Variants in NRG3 observed in about 807,000 individuals in gnomAD.
NRG3 encodes the protein pro-neuregulin-3, membrane-bound isoform.
In NRG3, 31 loss-of-function variants were observed where a neutral mutation model predicts 66.9. The ratio of observed to expected loss-of-function variants is 0.46; its 90% CI spans 0.35 to 0.63. NRG3 has a LOEUF of 0.63. Among genes scored for constraint, NRG3 ranks in the 20% least tolerant of loss-of-function variants. The probability of loss-of-function intolerance (pLI) is 0.00; values close to 1 mark genes in which losing one functional copy is unlikely to be tolerated. For missense variants in NRG3, 910 were observed against 878.9 expected (o/e 1.04, Z -0.45); for synonymous variants, 393 against 359.4 (o/e 1.09, Z -1.06).
intron 1 of NRG3, among the ~76,000 whole-genome samples, chr10:82,203,606 A>T (rs1324002838): frequency 6.6e-6 from 1 of 152,216 alleles, no homozygotes; most frequent in Non-Finnish European, 1.5e-5. Context: ...GTGACTTCAC[A>T]TTAAAAACTA....
chr10:82,545,949 G>A (rs1045366603), intron 2 of NRG3, among the ~76,000 whole-genome samples: 11 of 149,984 alleles, frequency 7.3e-5, no homozygotes, highest in Non-Finnish European at 1.6e-4. Context: ...CACCATGCCC[G>A]GCTAATTTCA....
chr10:82,445,139 G>GTTT (rs10708276), intron 2 of NRG3, among the ~76,000 whole-genome samples: 1 of 145,600 alleles, frequency 6.9e-6, no homozygotes, highest in Non-Finnish European at 1.5e-5. Context: ...CCCCATGCCA[G>GTTT]TTTTTTTTTT....
intron 2 of NRG3, among the ~76,000 whole-genome samples, chr10:82,649,128 A>G (rs1448372735): frequency 6.6e-6 from 1 of 152,140 alleles, no homozygotes; most frequent in Non-Finnish European, 1.5e-5. Context: ...GGCCAGGGCA[A>G]TTAGGCAGGT....
intron 1 of NRG3, among the ~76,000 whole-genome samples, chr10:81,983,419 C>T (rs187106898): frequency 9.9e-5 from 15 of 152,214 alleles, no homozygotes; most frequent in Admixed American, 5.9e-4. Context: ...TGCTAATACA[C>T]GAATTACTCA....
At chr10:82,338,662 A>G (rs781042354) in intron 1 of NRG3, among the ~76,000 whole-genome samples, 2 of 152,212 alleles carry the variant, frequency 1.3e-5, no homozygotes, top group African/African-American at 2.4e-5. Context: ...CTCAATAAAT[A>G]TGTGCTGACT....
intron 1 of NRG3, among the ~76,000 whole-genome samples, chr10:82,357,033 G>A (rs1234432004): frequency 6.6e-6 from 1 of 152,190 alleles, no homozygotes; most frequent in African/African-American, 2.4e-5. Flanking sequence ...GTTGAATGCA[G>A]TGATGAAAGT....
intron 4 of NRG3, among the ~76,000 whole-genome samples, chr10:82,925,561 A>G (rs556771152): frequency 6.6e-6 from 1 of 152,360 alleles, no homozygotes; most frequent in African/African-American, 2.4e-5. Flanking sequence ...CTCGCAGAAT[A>G]GGGACAAGCA....
chr10:82,677,692 C>G, intron 2 of NRG3, among the ~76,000 whole-genome samples: 1 of 151,998 alleles, frequency 6.6e-6, no homozygotes, highest in East Asian at 1.9e-4. Flanking sequence ...AGAATTTGAC[C>G]AAGGGGGTGT....
intron 1 of NRG3, among the ~76,000 whole-genome samples, chr10:82,233,607 C>T (rs1169501010): frequency 6.6e-6 from 1 of 152,110 alleles, no homozygotes; most frequent in African/African-American, 2.4e-5. Flanking sequence ...CTGAGATTCA[C>T]TCTTGTGTAT....
intron 1 of NRG3, among the ~76,000 whole-genome samples, chr10:82,274,239 A>T (rs2078734087): frequency 6.6e-6 from 1 of 152,090 alleles, no homozygotes; most frequent in African/African-American, 2.4e-5. Context: ...GAATGTGAAA[A>T]AATTTTAGCA....
chr10:81,999,002 C>T (rs753536644), intron 1 of NRG3, among the ~76,000 whole-genome samples: 5 of 152,110 alleles, frequency 3.3e-5, no homozygotes, highest in African/African-American at 9.7e-5. Context: ...GGGGTTTCAC[C>T]GTGTTGGTCA....
chr10:82,877,218 A>G (rs1841903978), intron 4 of NRG3, among the ~76,000 whole-genome samples: 1 of 152,022 alleles, frequency 6.6e-6, no homozygotes, highest in African/African-American at 2.4e-5. Context: ...TCTTCTCAAT[A>G]AGCAGAGTCT....
chr10:82,323,044 A>G lies in NRG3; in HGVS notation c.824-35695A>G, dbSNP rs529112993. Among the ~76,000 whole-genome samples, 143 of 152,302 alleles carry G rather than the reference A, an allele frequency of 9.4e-4. 1 individual carries two copies. Among genetic ancestry groups the G allele is most frequent in the African/African-American group, 3.2e-3 (131 of 41,580 alleles). ...AGAAAAAGGAAAAAGGAGAAAAGGT[A>G]CCATTTCTGCATAATTGAAATAAAA... is the stretch of plus-strand genomic sequence containing the variant. On this transcript the variant is annotated intron_variant, in intron 1 of 8. Transcript: ENST00000372141.
intron 1 of NRG3, among the ~76,000 whole-genome samples, chr10:81,946,946 C>A (rs1848900339): frequency 6.6e-6 from 1 of 152,196 alleles, no homozygotes; most frequent in South Asian, 2.1e-4. Flanking sequence ...CCTAGGGATG[C>A]TGTGACAAAG....
chr10:82,577,423 G>T (rs2046092525), intron 2 of NRG3, among the ~76,000 whole-genome samples: 1 of 151,674 alleles, frequency 6.6e-6, no homozygotes, highest in South Asian at 2.1e-4. Flanking sequence ...AAAAATCATT[G>T]TAAGTTACAA....
At chr10:82,918,304 A>T (rs576966) in intron 4 of NRG3, among the ~76,000 whole-genome samples, 2 of 151,758 alleles carry the variant, frequency 1.3e-5, no homozygotes, top group Non-Finnish European at 2.9e-5. Flanking sequence ...ATTCAGATAG[A>T]CCTGAGTTTG....
chr10:82,951,391 C>A, intron 4 of NRG3, 78 bp from the exon 5 acceptor site: 1 of 1,154,394 alleles, frequency 8.7e-7, no homozygotes. Context: ...CTCCTACCAG[C>A]TCAGAAGTAC....
chr10:82,856,188 G>C (rs1221294558), intron 3 of NRG3, among the ~76,000 whole-genome samples: 1 of 152,172 alleles, frequency 6.6e-6, no homozygotes, highest in Non-Finnish European at 1.5e-5. Flanking sequence ...CATGTTGAGA[G>C]CTTAACCAGA....
At chr10:82,562,004 G>T (rs939815563) in intron 2 of NRG3, among the ~76,000 whole-genome samples, 77 of 152,102 alleles carry the variant, frequency 5.1e-4, no homozygotes, top group African/African-American at 1.5e-3. Context: ...TCTTAAAGTG[G>T]TCGTTAATAA....
Sources: gnomAD v4.1 joint callset for allele counts (sites outside exome capture counted in the v4.1 genomes callset) on GRCh38, gnomAD v4.1.1 for gene constraint, MANE v1.5 for transcripts, NCBI Gene and HGNC (gene_info 2026-07-23, HGNC 2026-07-21) for gene names.